SLC6A2: variants seen among roughly 807,000 people sequenced by gnomAD.
The protein encoded by SLC6A2 is solute carrier family 6 member 2.
Under a neutral mutation model 71.7 loss-of-function variants are expected in SLC6A2, and 26 were observed. The ratio of observed to expected loss-of-function variants is 0.36; its 90% CI spans 0.27 to 0.50. The LOEUF (loss-of-function observed/expected upper bound fraction) is 0.50. Among genes scored for constraint, SLC6A2 ranks in the 20% least tolerant of loss-of-function variants. The pLI is 0.96. For missense variants in SLC6A2, 581 were observed against 803.9 expected (o/e 0.72, Z 3.35); for synonymous variants, 363 against 337.9 (o/e 1.07, Z -0.82).
At chr16:55,697,150 G>A (rs1468999274) in intron 9 of SLC6A2, among the ~76,000 whole-genome samples, 1 of 152,146 alleles carries the variant, frequency 6.6e-6, no homozygotes, top group Admixed American at 6.5e-5. Flanking sequence ...TCTTATGGAA[G>A]GGCTGGCACT....
At chr16:55,694,688 A>G (rs1345683413) in intron 7 of SLC6A2, among the ~76,000 whole-genome samples, 2 of 152,204 alleles carry the variant, frequency 1.3e-5, no homozygotes, top group Non-Finnish European at 2.9e-5. Context: ...AATTCATACC[A>G]GCGGGACAGG....
chr16:55,656,629 C>T lies in SLC6A2; in HGVS notation c.-51-15C>T. On this transcript the variant is annotated splice_polypyrimidine_tract_variant and intron_variant, in intron 1 of 14. Transcript: ENST00000568943. The surrounding 1 kb of genome is among the most constrained non-coding windows in gnomAD (Gnocchi z 4.5). ...AACGGCCGGGTAACCACCTCTTTTCCCTTTATCCAAGCAGAGCCTCGGCGT... is the reference window on the plus strand; with the variant it reads ...AACGGCCGGGTAACCACCTCTTTTCTCTTTATCCAAGCAGAGCCTCGGCGT... 6.2e-7 allele frequency: 1 copy of T among 1,602,204 alleles called. No homozygotes were observed. The highest frequency in any genetic ancestry group is 1.1e-5 in the South Asian group (1 of 90,434).
chr16:55,695,232 G>A, intron 7 of SLC6A2, 46 bp from the exon 8 acceptor site: 1 of 1,612,956 alleles, frequency 6.2e-7, no homozygotes. Context: ...AAAACACAGG[G>A]TTGAGGGTGT....
At chr16:55,702,176 A>C (rs1965991672) in intron 14 of SLC6A2, 147 bp from the exon 15 acceptor site, 1 of 899,236 alleles carries the variant, frequency 1.1e-6, no homozygotes, top group Admixed American at 1.7e-5. Flanking sequence ...TGTGACAATT[A>C]GGGAATCAAC....
intron 4 of SLC6A2, among the ~76,000 whole-genome samples, chr16:55,682,732 C>T (rs1361521920): frequency 1.3e-5 from 2 of 152,172 alleles, no homozygotes; most frequent in African/African-American, 4.8e-5. Context: ...ATTGGGGGGC[C>T]TCCCAGGAGA....
At chr16:55,685,928 G>A (rs1193695098) in intron 5 of SLC6A2, among the ~76,000 whole-genome samples, 2 of 152,242 alleles carry the variant, frequency 1.3e-5, no homozygotes, top group Admixed American at 1.3e-4. Context: ...GGAATATTCA[G>A]GAAATGGCTC....
At chr16:55,696,794 C>A (rs1280551692) in intron 9 of SLC6A2, among the ~76,000 whole-genome samples, 4 of 152,058 alleles carry the variant, frequency 2.6e-5, no homozygotes, top group African/African-American at 9.7e-5. Context: ...CCAGACTGGG[C>A]AACATAGGGA....
chr16:55,668,721 G>A (rs1964821119), intron 2 of SLC6A2, among the ~76,000 whole-genome samples: 2 of 152,176 alleles, frequency 1.3e-5, no homozygotes, highest in Non-Finnish European at 2.9e-5. Context: ...AGTCCACCAG[G>A]AATTCTCCCA....
At position 55,701,851 on chromosome 16, in the gene SLC6A2, T is replaced by C; in HGVS notation, c.1759-12T>C. 6.2e-7 allele frequency: 1 copy of C among 1,612,858 alleles called. No homozygotes were observed. Among genetic ancestry groups the C allele is most frequent in the Middle Eastern group, 1.7e-4 (1 of 6,056 alleles). On this transcript the variant is annotated splice_polypyrimidine_tract_variant and intron_variant, in intron 13 of 14. Coordinates refer to ENST00000568943, the MANE Select transcript of SLC6A2 (RefSeq NM_001172501.3). ...GCCAAGCTGAGGCCTCCTCCCCTTCTCTTCCTTTCAGAGACTGGCCTATGG... is the reference window on the plus strand; with the variant it reads ...GCCAAGCTGAGGCCTCCTCCCCTTCCCTTCCTTTCAGAGACTGGCCTATGG...
chr16:55,676,978 T>G (rs1197386034), intron 4 of SLC6A2, among the ~76,000 whole-genome samples: 2 of 152,178 alleles, frequency 1.3e-5, no homozygotes, highest in African/African-American at 4.8e-5. Flanking sequence ...TCTGATTTCA[T>G]TGGTCCGGGT....
chr16:55,693,953 G>A, intron 6 of SLC6A2, 57 bp from the exon 7 acceptor site: 1 of 1,119,484 alleles, frequency 8.9e-7, no homozygotes, highest in Non-Finnish European at 1.4e-6. Flanking sequence ...CCGGACCAGT[G>A]AGGTGTTCCA....
At chr16:55,696,502 A>G (rs1965803932) in intron 9 of SLC6A2, among the ~76,000 whole-genome samples, 165 bp downstream of exon 9, 1 of 152,214 alleles carries the variant, frequency 6.6e-6, no homozygotes, top group Non-Finnish European at 1.5e-5. Context: ...GTCCTCACTC[A>G]AAAAGATAAG....
chr16:55,678,916 T>C (rs1300743193), intron 4 of SLC6A2, among the ~76,000 whole-genome samples: 2 of 152,194 alleles, frequency 1.3e-5, no homozygotes, highest in Non-Finnish European at 2.9e-5. Flanking sequence ...GGTGTAAGCT[T>C]GGGAGTCCAG....
At chr16:55,667,911 G>A (rs953112379) in intron 2 of SLC6A2, among the ~76,000 whole-genome samples, 7 of 152,162 alleles carry the variant, frequency 4.6e-5, no homozygotes, top group Non-Finnish European at 7.3e-5. Context: ...CTTATCAGCA[G>A]GATAAGGTCG....
chr16:55,666,914 C>T (rs1351011243), intron 2 of SLC6A2, among the ~76,000 whole-genome samples: 1 of 152,228 alleles, frequency 6.6e-6, no homozygotes, highest in Non-Finnish European at 1.5e-5. Context: ...TTTCCTTCCC[C>T]ACGTTCCCTT....
Position 55,703,353 on chromosome 16 carries a change from G to C in SLC6A2, c.*1007G>C. ...TTTATTGTTCTTGCACACCTGCACA[G>C]CCTCCCTCTGGGGATCCCACCTGGA... On this transcript the variant is annotated 3_prime_UTR_variant, in exon 15 of 15. Coordinates refer to ENST00000568943, the MANE Select transcript of SLC6A2 (RefSeq NM_001172501.3). 1.0e-6 allele frequency: 1 copy of C among 985,386 alleles called. No homozygotes were observed. Among genetic ancestry groups the C allele is most frequent in the Non-Finnish European group, 1.2e-6 (1 of 829,930 alleles). The allele number at this position is 985,386 out of a possible 1,614,324, so 61.0% of individuals were successfully genotyped here.
chr16:55,684,753 G>A (rs1318320055), intron 4 of SLC6A2, among the ~76,000 whole-genome samples: 2 of 152,176 alleles, frequency 1.3e-5, no homozygotes, highest in Admixed American at 6.5e-5. Context: ...CTCCGGGGTG[G>A]GGGTCAGGGA....
chr16:55,694,203 C>T (rs1282929453), intron 7 of SLC6A2, 90 bp downstream of exon 7: 2 of 984,282 alleles, frequency 2.0e-6, no homozygotes, highest in African/African-American at 3.2e-5. Context: ...TGGAAGCCAA[C>T]TCTCCCTGGG....
chr16:55,700,116 C>G (rs1389298302), intron 12 of SLC6A2, 23 bp from the exon 13 acceptor site: 1 of 1,609,776 alleles, frequency 6.2e-7, no homozygotes, highest in Non-Finnish European at 8.5e-7. Context: ...CTTCCTTTCT[C>G]TCCCTTCTCT....
Sources: allele counts gnomAD v4.1 joint callset (sites outside exome capture counted in the v4.1 genomes callset), GRCh38; gene constraint gnomAD v4.1.1; non-coding constraint Gnocchi (gnomAD v3.1); transcripts MANE v1.5; gene names NCBI Gene and HGNC (gene_info 2026-07-23, HGNC 2026-07-21).